The following PSMD14 variants were observed in gnomAD, a reference collection of about 807,000 sequenced individuals.
The protein encoded by PSMD14 is ubiquitin C-terminal hydrolase PSMD14.
Under a neutral mutation model 41.2 loss-of-function variants are expected in PSMD14, and 7 were observed. The observed-to-expected ratio is 0.17, with a 90% CI of 0.10 to 0.32. The LOEUF is 0.32. PSMD14 is among the 10% of genes least tolerant of loss of function. The pLI is 1.00. For missense variants in PSMD14, 139 were observed against 375.6 expected, an observed-to-expected ratio of 0.37 and a Z score of 5.21; for synonymous variants, 114 against 122.3, an observed-to-expected ratio of 0.93 and a Z score of 0.45.
chr2:161,377,183 G>A (rs1559050398), intron 7 of PSMD14, among the ~76,000 whole-genome samples: 3 of 151,844 alleles, frequency 2.0e-5, no homozygotes, highest in South Asian at 2.1e-4. Flanking sequence ...AGTATCCCAC[G>A]ACTATCAGCT....
At chr2:161,338,504 A>G (rs1196359039) in intron 3 of PSMD14, among the ~76,000 whole-genome samples, 1 of 152,138 alleles carries the variant, frequency 6.6e-6, no homozygotes, top group Non-Finnish European at 1.5e-5. Context: ...AGACTTGGAA[A>G]AGCATTTTAC....
intron 3 of PSMD14, among the ~76,000 whole-genome samples, chr2:161,351,125 A>T (rs1449487754): frequency 1.3e-5 from 2 of 152,208 alleles, no homozygotes; most frequent in African/African-American, 4.8e-5. Flanking sequence ...TTTAAGATAA[A>T]AATTATGTTC....
intron 3 of PSMD14, among the ~76,000 whole-genome samples, chr2:161,356,966 C>T (rs1476484825): frequency 1.3e-5 from 2 of 151,206 alleles, no homozygotes; most frequent in East Asian, 3.9e-4. Flanking sequence ...CCAGTTCACA[C>T]TAAGAGAAAG....
intron 10 of PSMD14, among the ~76,000 whole-genome samples, chr2:161,403,246 A>G (rs746466545): frequency 1.3e-5 from 2 of 152,214 alleles, no homozygotes; most frequent in African/African-American, 2.4e-5. Flanking sequence ...ATGCTACTAC[A>G]TGGATGGACC....
chr2:161,341,055 T>TC, intron 3 of PSMD14: 1 of 1,577,496 alleles, frequency 6.3e-7, no homozygotes, highest in Non-Finnish European at 8.6e-7. Context: ...CCCTTCGGGC[T>TC]CCCCCGGTCC....
At chr2:161,321,921 A>T (rs1287162724) in intron 3 of PSMD14, among the ~76,000 whole-genome samples, 1 of 152,072 alleles carries the variant, frequency 6.6e-6, no homozygotes, top group Admixed American at 6.5e-5. Context: ...CCGAGTTTTT[A>T]TTGGGACTCG....
chr2:161,404,813 C>T (rs1244289625), intron 10 of PSMD14, among the ~76,000 whole-genome samples: 1 of 152,160 alleles, frequency 6.6e-6, no homozygotes, highest in Non-Finnish European at 1.5e-5. Flanking sequence ...CGTGGTTCCC[C>T]TGACTTTTTG....
At chr2:161,345,523 A>C (rs1489599642) in intron 3 of PSMD14, among the ~76,000 whole-genome samples, 2 of 151,916 alleles carry the variant, frequency 1.3e-5, no homozygotes, top group African/African-American at 4.8e-5. Context: ...TGCCTCCCAA[A>C]GTGCTGGGAT....
chr2:161,350,378 G>A (rs1683101037), intron 3 of PSMD14, among the ~76,000 whole-genome samples: 2 of 152,254 alleles, frequency 1.3e-5, no homozygotes, highest in South Asian at 4.1e-4. Context: ...TCCTATTTGA[G>A]GATGAAGAAC....
chr2:161,329,786 T>C lies in PSMD14; in HGVS notation c.48+10913T>C, dbSNP rs2105235872. Among the ~76,000 whole-genome samples the C allele has an allele frequency of 2.0e-5, 3 of 152,294 alleles. No individual in the cohort carries two copies. The South Asian group carries it at 6.2e-4, about 32-fold the overall frequency. ...TTCTATTCATATACTCTGATATTTA[T>C]ACGATAGAAAATTAAGAAAGGGGTC... On this transcript the variant is annotated intron_variant, in intron 3 of 11. Transcript: ENST00000409682.
intron 9 of PSMD14, among the ~76,000 whole-genome samples, chr2:161,393,558 G>A (rs567109927): frequency 6.6e-6 from 1 of 152,254 alleles, no homozygotes; most frequent in South Asian, 2.1e-4. Context: ...ACAAATAGCT[G>A]TAAACTTCTA....
chr2:161,370,292 C>A, intron 6 of PSMD14, 115 bp downstream of exon 6: 1 of 779,894 alleles, frequency 1.3e-6, no homozygotes, highest in Non-Finnish European at 2.0e-6. Context: ...ATGTAATTGA[C>A]ATAAAAGTAT....
At chr2:161,404,475 C>T (rs1683923522) in intron 10 of PSMD14, among the ~76,000 whole-genome samples, 1 of 152,124 alleles carries the variant, frequency 6.6e-6, no homozygotes, top group Non-Finnish European at 1.5e-5. Context: ...CTAAGGGGCA[C>T]CTTTCTTCCT....
chr2:161,313,557 C>A (rs1307771911), intron 1 of PSMD14, among the ~76,000 whole-genome samples: 2 of 152,172 alleles, frequency 1.3e-5, no homozygotes, highest in Admixed American at 1.3e-4. Context: ...GCCATGTTGG[C>A]CAGGCTGGTC....
At chr2:161,402,113 C>A (rs1421585095) in intron 10 of PSMD14, among the ~76,000 whole-genome samples, 1 of 152,184 alleles carries the variant, frequency 6.6e-6, no homozygotes, top group African/African-American at 2.4e-5. Context: ...TGACTAAATT[C>A]TTGAATTAAT....
chr2:161,312,523 A>G (rs115202258), intron 1 of PSMD14, among the ~76,000 whole-genome samples: 2,322 of 152,334 alleles, frequency 0.015, 53 homozygotes, highest in African/African-American at 0.053. Flanking sequence ...TGAGAAAGAA[A>G]AAGTGGAAAG....
intron 3 of PSMD14, among the ~76,000 whole-genome samples, chr2:161,341,641 C>T (rs1682962826): frequency 6.6e-6 from 1 of 151,160 alleles, no homozygotes; most frequent in Non-Finnish European, 1.5e-5. Context: ...AGATTGAGAC[C>T]ATTCTGACTA....
intron 3 of PSMD14, among the ~76,000 whole-genome samples, chr2:161,357,784 A>G (rs1683227747): frequency 6.6e-6 from 1 of 152,214 alleles, no homozygotes; most frequent in Non-Finnish European, 1.5e-5. Context: ...AGACTATTTT[A>G]TGTAGCTTAA....
intron 3 of PSMD14, among the ~76,000 whole-genome samples, chr2:161,320,004 T>G (rs1345031027): frequency 6.6e-6 from 1 of 152,224 alleles, no homozygotes; most frequent in Admixed American, 6.5e-5. Flanking sequence ...AACACCTGTA[T>G]AACTCATTCT....
Sources: allele counts gnomAD v4.1 joint callset (sites outside exome capture counted in the v4.1 genomes callset), GRCh38; gene constraint gnomAD v4.1.1; transcripts MANE v1.5; gene names NCBI Gene and HGNC (gene_info 2026-07-23, HGNC 2026-07-21).